The following MAGI2 variants were observed in gnomAD, a reference collection of about 807,000 sequenced individuals.
MAGI2 encodes the protein membrane associated guanylate kinase, WW and PDZ domain containing 2, also known as membrane-associated guanylate kinase, WW and PDZ domain-containing protein 2.
A neutral mutation model predicts 133.3 loss-of-function variants in MAGI2; 35 were observed. That is an observed-to-expected ratio of 0.26 (90% confidence interval 0.20 to 0.35). MAGI2 has a LOEUF of 0.35. MAGI2 is among the 10% of genes least tolerant of loss of function. The pLI is 1.00. For missense variants in MAGI2, 1,636 were observed against 1,863.4 expected, an observed-to-expected ratio of 0.88 and a Z score of 2.25; for synonymous variants, 729 against 710.6, an observed-to-expected ratio of 1.03 and a Z score of -0.41.
chr7:78,432,348 G>T (rs897079453), intron 6 of MAGI2, among the ~76,000 whole-genome samples: 10 of 152,128 alleles, frequency 6.6e-5, no homozygotes, highest in Non-Finnish European at 1.5e-4. Flanking sequence ...TTGTAAGGCT[G>T]TACAATTAAA....
intron 10 of MAGI2, among the ~76,000 whole-genome samples, chr7:78,238,177 G>A (rs748456133): frequency 5.3e-5 from 8 of 151,960 alleles, no homozygotes; most frequent in African/African-American, 9.7e-5. Context: ...TCCTCAGAAT[G>A]TTTCTCTTCT....
chr7:78,762,718 G>A (rs868374905), intron 2 of MAGI2, among the ~76,000 whole-genome samples: 1 of 152,162 alleles, frequency 6.6e-6, no homozygotes, highest in East Asian at 1.9e-4. Flanking sequence ...AACTAGAAAA[G>A]CATAATAAAT....
At chr7:78,171,605 C>T (rs997684188) in intron 14 of MAGI2, among the ~76,000 whole-genome samples, 1 of 152,218 alleles carries the variant, frequency 6.6e-6, no homozygotes, top group African/African-American at 2.4e-5. Flanking sequence ...TGGCTGAGCA[C>T]AAGACCTGAG....
At chr7:78,466,214 C>G (rs1237585554) in intron 6 of MAGI2, among the ~76,000 whole-genome samples, 3 of 152,196 alleles carry the variant, frequency 2.0e-5, no homozygotes, top group Admixed American at 6.5e-5. Context: ...CTTTTCCGAT[C>G]TGCTATTTGC....
intron 1 of MAGI2, among the ~76,000 whole-genome samples, chr7:79,088,743 C>T (rs2129542366): frequency 6.6e-6 from 1 of 152,026 alleles, no homozygotes. Context: ...TTGTTGAAGG[C>T]CTTTTCTGCA....
chr7:79,006,880 A>T, intron 2 of MAGI2: 3 of 422,962 alleles, frequency 7.1e-6, no homozygotes. Context: ...CTTGAAAATC[A>T]CAAGTTTCTT....
At chr7:78,538,506 C>G (rs1446196306) in intron 3 of MAGI2, among the ~76,000 whole-genome samples, 1 of 152,162 alleles carries the variant, frequency 6.6e-6, no homozygotes, top group Admixed American at 6.5e-5. Flanking sequence ...GTTATTTCAG[C>G]AGTGTTTTGT....
intron 2 of MAGI2, among the ~76,000 whole-genome samples, chr7:78,950,897 G>GT (rs1801817874): frequency 1.3e-5 from 2 of 150,660 alleles, no homozygotes; most frequent in African/African-American, 4.9e-5. Context: ...ACCCTATAAA[G>GT]TTAACATTGT....
rs371819114 is a variant in MAGI2 at position 78,929,480 on chromosome 7, T to G, written c.418+77610A>C. On this transcript the variant is annotated intron_variant, in intron 2 of 21. Transcript: ENST00000354212. The stretch of plus-strand genomic sequence containing the variant: ...AGAAGTAAAAATCAAGTTCACCTGG[T>G]TAAAGTCAAACGTCAGCAGGAGTGG... Among the ~76,000 whole-genome samples, 3 of 152,058 alleles carry G rather than the reference T, an allele frequency of 2.0e-5. No homozygotes were observed. The East Asian group carries it at 5.8e-4, about 29-fold the overall frequency.
In MAGI2 at chr7:79,338,021, C is replaced by T. The variant is rs114460400; in HGVS notation, c.301+114999G>A. On this transcript the variant is annotated intron_variant, in intron 1 of 21. Transcript: ENST00000354212. ...GAACATAAAACATCCTTTGTGATAG[C>T]GTCTACCTGCAGGTTTGGCATGCGG... Among the ~76,000 whole-genome samples the T allele has an allele frequency of 6.2e-3, 950 of 152,146 alleles. 4 individuals carry two copies. Among genetic ancestry groups the T allele is most frequent in the African/African-American group, 0.021 (887 of 41,512 alleles).
At chr7:79,093,958 G>A (rs976844890) in intron 1 of MAGI2, among the ~76,000 whole-genome samples, 3 of 151,968 alleles carry the variant, frequency 2.0e-5, no homozygotes, top group East Asian at 3.9e-4. Context: ...CAGGTGACCC[G>A]CCTGCCTCAG....
intron 9 of MAGI2, among the ~76,000 whole-genome samples, chr7:78,323,932 G>A (rs1321185146): frequency 6.6e-6 from 1 of 152,046 alleles, no homozygotes; most frequent in Admixed American, 6.6e-5. Flanking sequence ...GCATATAGCA[G>A]GGAAATAAAC....
Position 78,437,075 on chromosome 7 carries a change from T to C in MAGI2, c.1045+52686A>G, listed in dbSNP as rs148936369. On this transcript the variant is annotated intron_variant, in intron 6 of 21. Coordinates refer to ENST00000354212, the MANE Select transcript of MAGI2 (RefSeq NM_012301.4). ...GACTGAGGTGTGGGAGCCTGGAGGATGCAGGAAAATTCCCTATCATAATGG... is the reference window on the plus strand; with the variant it reads ...GACTGAGGTGTGGGAGCCTGGAGGACGCAGGAAAATTCCCTATCATAATGG... Among the ~76,000 whole-genome samples, 108 of 151,124 alleles carry C rather than the reference T, an allele frequency of 7.1e-4. 1 individual carries two copies. Among genetic ancestry groups the C allele is most frequent in the African/African-American group, 2.3e-3 (94 of 41,326 alleles).
Position 78,309,999 on chromosome 7 carries a change from C to T in MAGI2, c.1408+33779G>A, listed in dbSNP as rs953745687. Reference sequence around the variant, plus strand: ...CAACATTGGCCCTTTTGTATGATACCTAGGGTTTGTGGCAGCATTTGTATA... The same window carrying T: ...CAACATTGGCCCTTTTGTATGATACTTAGGGTTTGTGGCAGCATTTGTATA... On this transcript the variant is annotated intron_variant, in intron 9 of 21. Transcript: ENST00000354212. Among the ~76,000 whole-genome samples the T allele has an allele frequency of 1.1e-4, 17 of 152,026 alleles. No homozygotes were observed. In the East Asian group the frequency reaches 1.2e-3, roughly 10 times the overall value.
chr7:78,700,925 A>C (rs1378688970), intron 2 of MAGI2, among the ~76,000 whole-genome samples: 10 of 150,242 alleles, frequency 6.7e-5, no homozygotes, highest in African/African-American at 2.2e-4. Flanking sequence ...AATTTAAATA[A>C]ATTTAGTATA....
At chr7:78,282,219 C>T (rs1795679957) in intron 9 of MAGI2, among the ~76,000 whole-genome samples, 1 of 152,080 alleles carries the variant, frequency 6.6e-6, no homozygotes. Context: ...CATTTAGTGG[C>T]TGATGCTCCT....
At chr7:79,050,306 A>C (rs1363943264) in intron 1 of MAGI2, among the ~76,000 whole-genome samples, 1 of 152,170 alleles carries the variant, frequency 6.6e-6, no homozygotes, top group African/African-American at 2.4e-5. Context: ...TCCTTCTGGA[A>C]GGGACTGTGG....
chr7:78,420,548 G>T (rs1331778549), intron 6 of MAGI2, among the ~76,000 whole-genome samples: 3 of 78,480 alleles, frequency 3.8e-5, no homozygotes, highest in African/African-American at 1.3e-4. Context: ...TGGTTGAAAT[G>T]AGATTTTTTT....
chr7:78,283,261 T>G (rs1795811025), intron 9 of MAGI2, among the ~76,000 whole-genome samples: 1 of 152,148 alleles, frequency 6.6e-6, no homozygotes, highest in Admixed American at 6.6e-5. Context: ...GAAATCACTT[T>G]GTTTTCTAGG....
Sources: gnomAD v4.1 joint callset for allele counts (sites outside exome capture counted in the v4.1 genomes callset) on GRCh38, gnomAD v4.1.1 for gene constraint, MANE v1.5 for transcripts, NCBI Gene and HGNC (gene_info 2026-07-23, HGNC 2026-07-21) for gene names.